OR6N1: variants seen among roughly 807,000 people sequenced by gnomAD.
OR6N1 encodes olfactory receptor 6N1.
For missense variants in OR6N1, 394 were observed against 371.7 expected (o/e 1.06, Z -0.49); for synonymous variants, 170 against 150.7 (o/e 1.13, Z -0.94).
chr1:158,771,169 A>G (rs1313836904), intron 1 of OR6N1, among the ~76,000 whole-genome samples: 8 of 152,112 alleles, frequency 5.3e-5, no homozygotes, highest in African/African-American at 1.9e-4. Flanking sequence ...TTCCCTGACC[A>G]TCTAAGTTAA....
At chr1:158,804,140 T>C in the OR6N1 span, among the ~76,000 whole-genome samples, 8 of 152,188 alleles carry the variant, frequency 5.3e-5, no homozygotes, top group Admixed American at 5.2e-4. Flanking sequence ...AACAAAGCGT[T>C]ATCTGATTGG....
the OR6N1 span, among the ~76,000 whole-genome samples, chr1:158,778,492 T>C: frequency 2.6e-5 from 4 of 152,194 alleles, no homozygotes; most frequent in Admixed American, 2.6e-4. Flanking sequence ...TTCCCCTCTA[T>C]GGTAACCAAA....
At chr1:158,777,669 A>C in the OR6N1 span, 1 of 1,407,210 alleles carries the variant, frequency 7.1e-7, no homozygotes, top group South Asian at 1.2e-5. Flanking sequence ...AGAAGAAAAC[A>C]TTGGATTGAG....
chr1:158,834,554 C>T, the OR6N1 span, among the ~76,000 whole-genome samples: 5 of 152,180 alleles, frequency 3.3e-5, 1 homozygote, highest in Admixed American at 3.3e-4. Flanking sequence ...AATATTTTCT[C>T]TCATTCTCTA....
At chr1:158,783,608 ATTCAT>A in the OR6N1 span, among the ~76,000 whole-genome samples, 1 of 152,166 alleles carries the variant, frequency 6.6e-6, no homozygotes, top group Admixed American at 6.6e-5. Context: ...GCCTTATTCT[ATTCAT>A]TGCATCCTGG....
At chr1:158,824,313 T>C in the OR6N1 span, among the ~76,000 whole-genome samples, 1 of 152,186 alleles carries the variant, frequency 6.6e-6, no homozygotes, top group East Asian at 1.9e-4. Context: ...CTCCTAGCCT[T>C]CCACCGTGAT....
chr1:158,837,068 T>G, the OR6N1 span, among the ~76,000 whole-genome samples: 3 of 151,884 alleles, frequency 2.0e-5, no homozygotes, highest in Non-Finnish European at 4.4e-5. Flanking sequence ...ATACTCTGTA[T>G]GATTTCAAAC....
chr1:158,765,600 C>T lies in OR6N1; in HGVS notation c.*144G>A, dbSNP rs1404793028. 2.4e-5 allele frequency: 17 copies of T among 694,456 alleles called. No individual in the cohort carries two copies. The highest frequency in any genetic ancestry group is 7.9e-5 in the Admixed American group (3 of 37,824). 43.0% of individuals were successfully genotyped at this position (694,456 alleles called of 1,614,324 possible). On this transcript the variant is annotated 3_prime_UTR_variant, in exon 2 of 2. Coordinates refer to ENST00000641846, the MANE Select transcript of OR6N1 (RefSeq NM_001005185.2). ...GCAGACAGTATGAAGGTCGCTATAA[C>T]ACTGGAAGTCAGTCAGCACTTGCTG...
the OR6N1 span, among the ~76,000 whole-genome samples, chr1:158,784,985 A>G: frequency 2.0e-5 from 3 of 152,174 alleles, no homozygotes; most frequent in African/African-American, 7.2e-5. Context: ...AATCAACCTA[A>G]GTTTCCATCA....
At chr1:158,774,160 C>T (rs961148433), upstream of OR6N1, 1 of 152,182 alleles carries the variant, frequency 6.6e-6, no homozygotes, top group African/African-American at 2.4e-5. Flanking sequence ...ACCTCTCTCC[C>T]TCTTGCAATG....
At chr1:158,825,444 A>G in the OR6N1 span, among the ~76,000 whole-genome samples, 1 of 152,158 alleles carries the variant, frequency 6.6e-6, no homozygotes. Flanking sequence ...ATCTCAAAAA[A>G]AAAAAAAGTG....
At chr1:158,795,566 T>C in the OR6N1 span, among the ~76,000 whole-genome samples, 2 of 152,220 alleles carry the variant, frequency 1.3e-5, no homozygotes, top group Non-Finnish European at 2.9e-5. Context: ...GGATCAGGAA[T>C]GGCTTCCCTC....
At chr1:158,804,905 A>G in the OR6N1 span, among the ~76,000 whole-genome samples, 1 of 152,108 alleles carries the variant, frequency 6.6e-6, no homozygotes, top group Non-Finnish European at 1.5e-5. Context: ...CCCTTAAGAT[A>G]TTTATTATAT....
chr1:158,802,794 A>G, the OR6N1 span, among the ~76,000 whole-genome samples: 3 of 152,300 alleles, frequency 2.0e-5, no homozygotes, highest in African/African-American at 7.2e-5. Flanking sequence ...CATTACTTAC[A>G]TTATCACTAC....
upstream of OR6N1, chr1:158,777,027 A>AT (rs754765524): frequency 6.2e-7 from 1 of 1,614,204 alleles, no homozygotes. Flanking sequence ...TTATGAAAGC[A>AT]TTAATGGCAA....
At chr1:158,792,511 T>C in the OR6N1 span, among the ~76,000 whole-genome samples, 1 of 152,214 alleles carries the variant, frequency 6.6e-6, no homozygotes, top group Non-Finnish European at 1.5e-5. Flanking sequence ...TTCTGATGTG[T>C]ATTAACCTTT....
the OR6N1 span, among the ~76,000 whole-genome samples, chr1:158,838,762 C>G: frequency 6.6e-6 from 1 of 151,988 alleles, no homozygotes; most frequent in Non-Finnish European, 1.5e-5. Context: ...TGTTCACTTT[C>G]CTTTATATCT....
the OR6N1 span, among the ~76,000 whole-genome samples, chr1:158,803,359 A>T: frequency 2.0e-5 from 3 of 152,138 alleles, no homozygotes; most frequent in African/African-American, 7.2e-5. Context: ...GAAATACCTA[A>T]CCTTTCACAA....
the OR6N1 span, among the ~76,000 whole-genome samples, chr1:158,812,467 T>C: frequency 2.0e-5 from 3 of 152,202 alleles, no homozygotes; most frequent in South Asian, 6.2e-4. Context: ...ACATTTATGC[T>C]GTATTAGAAA....
Sources: allele counts gnomAD v4.1 joint callset (sites outside exome capture counted in the v4.1 genomes callset), GRCh38; gene constraint gnomAD v4.1.1; transcripts MANE v1.5; gene names NCBI Gene and HGNC (gene_info 2026-07-23, HGNC 2026-07-21).